Variants in LDAH observed in about 807,000 individuals in gnomAD.
LDAH encodes the protein lipid droplet associated hydrolase, also known as lipid droplet-associated hydrolase.
Under a neutral mutation model 29.6 loss-of-function variants are expected in LDAH, and 26 were observed. The ratio of observed to expected loss-of-function variants is 0.88; its 90% CI spans 0.64 to 1.22. The LOEUF (loss-of-function observed/expected upper bound fraction) is 1.22, where lower values mean the gene tolerates loss of function less well. LDAH is among the 50% of genes most tolerant of loss of function. LDAH has a pLI of 0.00. For missense variants in LDAH, 344 were observed against 387.3 expected, an observed-to-expected ratio of 0.89 and a Z score of 0.94; for synonymous variants, 117 against 133.0, an observed-to-expected ratio of 0.88 and a Z score of 0.83.
intron 5 of LDAH, among the ~76,000 whole-genome samples, chr2:20,739,410 C>G (rs1282393489): frequency 6.6e-6 from 1 of 152,154 alleles, no homozygotes; most frequent in Admixed American, 6.6e-5. Flanking sequence ...AGATAGACTA[C>G]ATTTTAAAAC....
At chr2:20,820,143 T>G (rs1673152087) in intron 1 of LDAH, among the ~76,000 whole-genome samples, 1 of 152,096 alleles carries the variant, frequency 6.6e-6, no homozygotes, top group Non-Finnish European at 1.5e-5. Flanking sequence ...GAACATTCCA[T>G]GCTCATGGAT....
At chr2:20,707,659 G>A (rs564191137) in intron 5 of LDAH, among the ~76,000 whole-genome samples, 19 of 152,306 alleles carry the variant, frequency 1.2e-4, no homozygotes, top group African/African-American at 4.6e-4. Flanking sequence ...GAGAAATTTT[G>A]AGAAGCTGGG....
intron 5 of LDAH, among the ~76,000 whole-genome samples, chr2:20,710,606 G>GTGTGTGTGTA (rs1467950593): frequency 7.6e-6 from 1 of 131,872 alleles, no homozygotes; most frequent in African/African-American, 2.8e-5. Context: ...GTGTGTGTGT[G>GTGTGTGTGTA]TATATATATA....
intron 5 of LDAH, among the ~76,000 whole-genome samples, chr2:20,717,973 A>C (rs1005241615): frequency 3.9e-5 from 6 of 152,342 alleles, no homozygotes; most frequent in African/African-American, 1.4e-4. Context: ...AACTTCTTAT[A>C]ACTATAAAAT....
At chr2:20,814,613 A>T (rs1672729616) in intron 1 of LDAH, among the ~76,000 whole-genome samples, 1 of 152,076 alleles carries the variant, frequency 6.6e-6, no homozygotes, top group South Asian at 2.1e-4. Context: ...GGCACACACC[A>T]CCATGCCTGG....
chr2:20,755,632 C>G (rs957580932), intron 4 of LDAH, among the ~76,000 whole-genome samples: 2 of 152,200 alleles, frequency 1.3e-5, no homozygotes, highest in African/African-American at 4.8e-5. Context: ...CCAATACCCT[C>G]AAGCAACTTC....
rs555508083 is a variant in LDAH at position 20,692,576 on chromosome 2, AG to A, written c.787-5483del. Among the ~76,000 whole-genome samples the A allele has an allele frequency of 2.4e-3, 366 of 152,356 alleles. 2 individuals are homozygous for A. The highest frequency in any genetic ancestry group is 8.5e-3 in the African/African-American group (352 of 41,574). On this transcript the variant is annotated intron_variant, in intron 6 of 6. Coordinates refer to ENST00000237822, the MANE Select transcript of LDAH (RefSeq NM_021925.4). ...GGAATAAAAGGGCTAATAAAATGAA[AG>A]TTTTGCATCTCTATATATTTTTGCA...
chr2:20,761,484 C>T (rs549763239), intron 4 of LDAH, among the ~76,000 whole-genome samples: 1 of 152,220 alleles, frequency 6.6e-6, no homozygotes, highest in East Asian at 1.9e-4. Flanking sequence ...TCTATCGGAG[C>T]AATCAGCAAA....
At chr2:20,819,795 A>C (rs895330439) in intron 1 of LDAH, among the ~76,000 whole-genome samples, 48 of 152,354 alleles carry the variant, frequency 3.2e-4, no homozygotes, top group African/African-American at 1.1e-3. Context: ...AATAAAGGGT[A>C]TTCAATTAGG....
At position 20,685,353 on chromosome 2, in the gene LDAH, C is replaced by T. The variant is rs982115490; in HGVS notation, c.*1550G>A. The T allele has an allele frequency of 6.1e-6, 4 of 656,232 alleles. No individual in the cohort carries two copies. The highest frequency in any genetic ancestry group is 4.9e-6 in the Non-Finnish European group (2 of 411,978). The allele number at this position is 656,232 out of a possible 1,614,324, so 40.7% of individuals were successfully genotyped here. A position where few individuals can be genotyped will look rare whatever the true frequency, so the allele number is the denominator to read the frequency against. ...GCCATGATTCCTAGCTTCTAACATC[C>T]GATTTCTAGGCCTCTCATGCAGATG... On this transcript the variant is annotated 3_prime_UTR_variant, in exon 7 of 7. Coordinates refer to ENST00000237822, the MANE Select transcript of LDAH (RefSeq NM_021925.4).
chr2:20,695,292 T>C (rs1239766326), intron 6 of LDAH, among the ~76,000 whole-genome samples: 1 of 152,172 alleles, frequency 6.6e-6, no homozygotes, highest in Non-Finnish European at 1.5e-5. Context: ...CACTAATACC[T>C]TTCATTAACA....
chr2:20,812,619 T>C (rs1362456856), intron 1 of LDAH, among the ~76,000 whole-genome samples: 1 of 152,218 alleles, frequency 6.6e-6, no homozygotes, highest in Non-Finnish European at 1.5e-5. Context: ...ACCCCTGCTA[T>C]ATTTTGGGAG....
intron 5 of LDAH, among the ~76,000 whole-genome samples, chr2:20,737,442 A>C (rs190263031): frequency 6.6e-6 from 1 of 152,322 alleles, no homozygotes; most frequent in Admixed American, 6.5e-5. Flanking sequence ...GGGCTGGGAG[A>C]GACAAACAAA....
intron 5 of LDAH, among the ~76,000 whole-genome samples, chr2:20,738,633 C>T (rs1360976896): frequency 2.0e-5 from 3 of 152,146 alleles, no homozygotes; most frequent in African/African-American, 4.8e-5. Flanking sequence ...ATATTTCCAA[C>T]ATCAACCTCT....
At position 20,731,433 on chromosome 2, in the gene LDAH, G is replaced by A. The variant is rs368554731; in HGVS notation, c.703+8538C>T. 1.2e-3 allele frequency among the ~76,000 whole-genome samples: 181 copies of A among 152,286 alleles called. 2 individuals carry two copies. The highest frequency in any genetic ancestry group is 3.9e-3 in the African/African-American group (163 of 41,562). On this transcript the variant is annotated intron_variant, in intron 5 of 6. Transcript: ENST00000237822. ...GCCATAAGTAAAAGCTACTTGAGGC[G>A]TCCGCAGAAGTGGATGCCTCTTCCT... is the stretch of plus-strand genomic sequence containing the variant.
chr2:20,821,679 TG>T (rs781772818), intron 1 of LDAH, among the ~76,000 whole-genome samples: 1 of 152,080 alleles, frequency 6.6e-6, no homozygotes, highest in Non-Finnish European at 1.5e-5. Context: ...GACAAGTTAA[TG>T]GGTGCAGCAC....
intron 1 of LDAH, among the ~76,000 whole-genome samples, chr2:20,807,051 A>G (rs1311082830): frequency 2.0e-5 from 3 of 152,060 alleles, no homozygotes; most frequent in Non-Finnish European, 4.4e-5. Flanking sequence ...AAGAAAAGAG[A>G]TGGTACAATC....
chr2:20,765,287 A>G (rs1451739963), intron 4 of LDAH, among the ~76,000 whole-genome samples: 7 of 152,138 alleles, frequency 4.6e-5, no homozygotes, highest in African/African-American at 1.7e-4. Flanking sequence ...TCCCTTGACC[A>G]GCTTCTTCCT....
At chr2:20,738,527 G>C (rs139526824) in intron 5 of LDAH, among the ~76,000 whole-genome samples, 262 of 151,812 alleles carry the variant, frequency 1.7e-3, no homozygotes, top group African/African-American at 6.1e-3. Context: ...TTTCTTGCGC[G>C]AGATCCAAGA....
Sources: allele counts gnomAD v4.1 joint callset (sites outside exome capture counted in the v4.1 genomes callset), GRCh38; gene constraint gnomAD v4.1.1; transcripts MANE v1.5; gene names NCBI Gene and HGNC (gene_info 2026-07-23, HGNC 2026-07-21).